TIAM1: variants seen among roughly 807,000 people sequenced by gnomAD.
The protein encoded by TIAM1 is rho guanine nucleotide exchange factor TIAM1.
TIAM1 carries 65 observed loss-of-function variants against 163.5 expected under a neutral mutation model. The ratio of observed to expected loss-of-function variants is 0.40; its 90% CI spans 0.33 to 0.49. The LOEUF (loss-of-function observed/expected upper bound fraction) is 0.49, where lower values mean the gene tolerates loss of function less well. Ranked by LOEUF, TIAM1 falls within the 20% of genes least tolerant of loss-of-function variation. The pLI, the probability that TIAM1 is intolerant of heterozygous loss-of-function variation, is 0.77. For synonymous variants in TIAM1, 833 were observed against 810.1 expected, an observed-to-expected ratio of 1.03 and a Z score of -0.48; for missense variants, 1,789 against 2,044.7, an observed-to-expected ratio of 0.87 and a Z score of 2.41.
chr21:31,530,817 C>T (rs777874257), intron 1 of TIAM1, among the ~76,000 whole-genome samples: 2 of 152,086 alleles, frequency 1.3e-5, no homozygotes, highest in African/African-American at 2.4e-5. Context: ...TCTGTTCACT[C>T]GTATACCCAA....
At chr21:31,155,710 T>TG (rs2083589865) in intron 16 of TIAM1, among the ~76,000 whole-genome samples, 2 of 152,218 alleles carry the variant, frequency 1.3e-5, no homozygotes, top group South Asian at 4.2e-4. Flanking sequence ...TTCAACATGT[T>TG]GGCCAGGATG....
At chr21:31,361,837 T>TTAGATAGATAGATAGATAGATAGA (rs75126984) in intron 2 of TIAM1, among the ~76,000 whole-genome samples, 3 of 147,594 alleles carry the variant, frequency 2.0e-5, no homozygotes, top group Non-Finnish European at 4.5e-5. Flanking sequence ...GGAAGAAAGA[T>TTAGATAGATAGATAGATAGATAGA]TAGATAGATA....
chr21:31,154,438 A>T lies in TIAM1; in HGVS notation c.2992-12T>A. 1 of 1,608,694 alleles carries T rather than the reference A, an allele frequency of 6.2e-7. No individual in the cohort carries two copies. The highest frequency in any genetic ancestry group is 8.5e-7 in the Non-Finnish European group (1 of 1,176,348). On this transcript the variant is annotated splice_polypyrimidine_tract_variant and intron_variant, in intron 16 of 27. Coordinates refer to ENST00000541036, the MANE Select transcript of TIAM1 (RefSeq NM_001353694.2). ...ACCTGTTCTGTACTCTTCGGAGCAC[A>T]GGGGGGAAGGGAAGGCAGAGGTCAT...
At chr21:31,315,919 G>A (rs1414564880) in intron 2 of TIAM1, among the ~76,000 whole-genome samples, 1 of 152,206 alleles carries the variant, frequency 6.6e-6, no homozygotes, top group Non-Finnish European at 1.5e-5. Flanking sequence ...GGACGTTGCA[G>A]TGAGCCGAGA....
At chr21:31,550,356 T>C (rs2048642074) in intron 1 of TIAM1, among the ~76,000 whole-genome samples, 1 of 151,876 alleles carries the variant, frequency 6.6e-6, no homozygotes. Flanking sequence ...CTTGAAAACA[T>C]GATGCTAAAT....
At chr21:31,344,557 T>G (rs762236709), upstream of TIAM1, among the ~76,000 whole-genome samples, 2 of 152,144 alleles carry the variant, frequency 1.3e-5, no homozygotes, top group Non-Finnish European at 2.9e-5. Context: ...AAGCAGCGCC[T>G]CTTAAAAGAT....
At chr21:31,377,599 TACA>T (rs1172956543) in intron 2 of TIAM1, among the ~76,000 whole-genome samples, 1 of 152,174 alleles carries the variant, frequency 6.6e-6, no homozygotes, top group African/African-American at 2.4e-5. Flanking sequence ...TCTGTATATG[TACA>T]ACAATTTATT....
rs2146273568 is a variant in TIAM1, at chr21:31,141,325, C to T, written c.3655G>A (p.Val1219Met). 6.2e-7 allele frequency: 1 copy of T among 1,613,952 alleles called. No homozygotes were observed. The highest frequency in any genetic ancestry group is 8.5e-7 in the Non-Finnish European group (1 of 1,179,908). The change falls in exon 21 of 28, where the codon GTG (valine) becomes ATG (methionine). Residue 1219 changes from valine to methionine, a missense_variant and splice_region_variant. Coordinates refer to ENST00000541036, the MANE Select transcript of TIAM1 (RefSeq NM_001353694.2). The surrounding 1 kb of genome is among the most constrained non-coding windows in gnomAD (Gnocchi z 4.7). Reference protein sequence around the residue: ...AESEEHYHLDVAIKTMNKVAS... With the variant: ...AESEEHYHLDMAIKTMNKVAS... Reference sequence around the variant, plus strand: ...CCGGGGGTCCCAGGCCGAGGCCTACCGTCCAGGTGGTAGTGCTCCTCGCTC... The same window carrying T: ...CCGGGGGTCCCAGGCCGAGGCCTACTGTCCAGGTGGTAGTGCTCCTCGCTC...
At chr21:31,510,374 C>A (rs974513582) in intron 1 of TIAM1, among the ~76,000 whole-genome samples, 5 of 152,142 alleles carry the variant, frequency 3.3e-5, no homozygotes, top group Non-Finnish European at 2.9e-5. Context: ...GGATTAGAGC[C>A]CACCCTAAGG....
At chr21:31,540,840 C>CATTTCTT (rs1569422248) in intron 1 of TIAM1, among the ~76,000 whole-genome samples, 1 of 151,996 alleles carries the variant, frequency 6.6e-6, no homozygotes, top group African/African-American at 2.4e-5. Context: ...TAAAGTCTAC[C>CATTTCTT]TGAAAAGTAA....
chr21:31,210,097 G>T lies in TIAM1; in HGVS notation c.2336C>A (p.Thr779Lys). ...TGCAGTGTCGCCTGGCCGGACGACC[G>T]TCAGGGCAGGCTGATTATTGGGCAG... ...FCLPNNQPAL[T>K]VVRPGDTARD... Residue 779 changes from threonine (T) to lysine (K), a missense_variant, in exon 11 of 28, where the codon ACG (threonine) becomes AAG (lysine). Physicochemically the swap from Thr to Lys is moderately conservative, Grantham distance 78. Transcript: ENST00000541036. 1.9e-6 allele frequency: 3 copies of T among 1,614,152 alleles called. No individual in the cohort carries two copies. The highest frequency in any genetic ancestry group is 2.5e-6 in the Non-Finnish European group (3 of 1,180,028).
At chr21:31,517,159 G>C (rs1301913632) in intron 1 of TIAM1, among the ~76,000 whole-genome samples, 1 of 152,088 alleles carries the variant, frequency 6.6e-6, no homozygotes, top group Non-Finnish European at 1.5e-5. Context: ...TCACAGTGCA[G>C]CGGTTAAGGC....
chr21:31,506,983 G>A (rs769692560), intron 1 of TIAM1, among the ~76,000 whole-genome samples: 4 of 151,996 alleles, frequency 2.6e-5, no homozygotes, highest in Non-Finnish European at 5.9e-5. Context: ...TACACATTTT[G>A]TTGACCCACT....
At chr21:31,135,909 A>G (rs753975536) in intron 23 of TIAM1, 24 bp downstream of exon 23, 1 of 1,606,426 alleles carries the variant, frequency 6.2e-7, no homozygotes, top group South Asian at 1.1e-5. Flanking sequence ...TTCCCCCTCC[A>G]TAAAACGCTT....
chr21:31,168,057 A>C (rs1465599050), intron 15 of TIAM1, among the ~76,000 whole-genome samples: 1 of 152,104 alleles, frequency 6.6e-6, no homozygotes, highest in Admixed American at 6.6e-5. Context: ...GAGGGTGGAA[A>C]AGGAATACAG....
intron 1 of TIAM1, among the ~76,000 whole-genome samples, chr21:31,474,546 C>CTT (rs33930958): frequency 1.6e-4 from 23 of 141,876 alleles, no homozygotes; most frequent in African/African-American, 5.0e-4. Context: ...AACCTTTAGT[C>CTT]TTTTTTTTTT....
At chr21:31,420,069 T>C (rs1469100593) in intron 2 of TIAM1, among the ~76,000 whole-genome samples, 1 of 151,978 alleles carries the variant, frequency 6.6e-6, no homozygotes, top group African/African-American at 2.4e-5. Flanking sequence ...AAATAAAAAA[T>C]AAATAAACTA....
chr21:31,388,443 C>A (rs970691278), intron 2 of TIAM1, among the ~76,000 whole-genome samples: 10 of 151,916 alleles, frequency 6.6e-5, no homozygotes, highest in African/African-American at 1.9e-4. Flanking sequence ...GAGTTCAAGA[C>A]CAGCCTGGGC....
At chr21:31,277,088 A>G (rs1173770300) in intron 2 of TIAM1, among the ~76,000 whole-genome samples, 180 bp from the exon 3 acceptor site, 2 of 152,228 alleles carry the variant, frequency 1.3e-5, no homozygotes, top group Non-Finnish European at 2.9e-5. Flanking sequence ...GCTGGGTACA[A>G]TGAGGCTGAA....
Sources: allele counts gnomAD v4.1 joint callset (sites outside exome capture counted in the v4.1 genomes callset), GRCh38; gene constraint gnomAD v4.1.1; non-coding constraint Gnocchi (gnomAD v3.1); transcripts MANE v1.5; gene names NCBI Gene and HGNC (gene_info 2026-07-23, HGNC 2026-07-21).